The following TIPRL variants were observed in gnomAD, a reference collection of about 807,000 sequenced individuals.
The protein encoded by TIPRL is TOR signaling pathway regulator, also known as TIP41-like protein.
Under a neutral mutation model 32.3 loss-of-function variants are expected in TIPRL, and 10 were observed. The observed-to-expected ratio is 0.31, with a 90% CI of 0.19 to 0.52. TIPRL has a LOEUF of 0.52. Ranked by LOEUF, TIPRL falls within the 20% of genes least tolerant of loss-of-function variation. The probability of loss-of-function intolerance (pLI) is 0.96; values close to 1 mark genes in which losing one functional copy is unlikely to be tolerated. For missense variants in TIPRL, 250 were observed against 328.1 expected, an observed-to-expected ratio of 0.76 and a Z score of 1.84; for synonymous variants, 100 against 114.0, an observed-to-expected ratio of 0.88 and a Z score of 0.78.
chr1:168,185,747 G>A (rs1700018832), intron 3 of TIPRL, among the ~76,000 whole-genome samples: 1 of 143,134 alleles, frequency 7.0e-6, no homozygotes, highest in South Asian at 2.2e-4. Context: ...TCCAGCCTGG[G>A]TGACAGAGTG....
At chr1:168,186,350 G>A (rs1572431530) in intron 3 of TIPRL, among the ~76,000 whole-genome samples, 1 of 151,912 alleles carries the variant, frequency 6.6e-6, no homozygotes, top group Non-Finnish European at 1.5e-5. Flanking sequence ...GTAAAAATTA[G>A]CCAGGCCTGG....
chr1:168,192,627 G>A (rs191085909), intron 4 of TIPRL, among the ~76,000 whole-genome samples: 1 of 152,194 alleles, frequency 6.6e-6, no homozygotes, highest in African/African-American at 2.4e-5. Flanking sequence ...GGCCGGGCGC[G>A]GTGGCCCATG....
chr1:168,197,132 G>A (rs1700167509), intron 5 of TIPRL, among the ~76,000 whole-genome samples: 1 of 152,102 alleles, frequency 6.6e-6, no homozygotes, highest in Non-Finnish European at 1.5e-5. Context: ...TGGCCAACAT[G>A]GTGAAACCCT....
intron 5 of TIPRL, among the ~76,000 whole-genome samples, chr1:168,197,776 C>T (rs1329810899): frequency 6.6e-6 from 1 of 152,184 alleles, no homozygotes; most frequent in Non-Finnish European, 1.5e-5. Context: ...ATCCAATTGC[C>T]TCGGCCTCCC....
Position 168,196,656 on chromosome 1 carries a change from T to C in TIPRL, c.612+14T>C. The C allele has an allele frequency of 1.3e-6, 2 of 1,541,280 alleles. No homozygotes were observed. Among genetic ancestry groups the C allele is most frequent in the Non-Finnish European group, 1.8e-6 (2 of 1,130,484 alleles). On this transcript the variant is annotated intron_variant, in intron 5 of 6. Coordinates refer to ENST00000367833, the MANE Select transcript of TIPRL (RefSeq NM_152902.5). ...CTTTACCATGAGGTATTTATTGTTG[T>C]TTAATGAATATACTAATTGATACTG...
intron 5 of TIPRL, 129 bp downstream of exon 5, chr1:168,196,771 G>A (rs896813076): frequency 1.5e-5 from 8 of 519,952 alleles, no homozygotes; most frequent in Non-Finnish European, 2.5e-5. Context: ...TTAAGTCTGA[G>A]TGTTTCACAT....
intron 5 of TIPRL, among the ~76,000 whole-genome samples, chr1:168,197,269 G>T (rs767113971): frequency 7.0e-6 from 1 of 143,118 alleles, no homozygotes; most frequent in East Asian, 2.0e-4. Flanking sequence ...CAGTGACAGA[G>T]CAAGACCCTG....
chr1:168,184,933 A>C, intron 3 of TIPRL, 55 bp downstream of exon 3: 1 of 1,141,682 alleles, frequency 8.8e-7, no homozygotes, highest in Non-Finnish European at 1.3e-6. Context: ...CAGTCTGAGC[A>C]TTAGAACTTT....
In TIPRL at chr1:168,188,598, A is replaced by G. The variant is rs371871495; in HGVS notation, c.385-2771A>G. On this transcript the variant is annotated intron_variant, in intron 3 of 6. Coordinates refer to ENST00000367833, the MANE Select transcript of TIPRL (RefSeq NM_152902.5). ...CATTATTAGCTTGCAGCCCATAAAA[A>G]TAGGTAACAGGGCAGATGTGAGCTG... Among the ~76,000 whole-genome samples the G allele has an allele frequency of 3.6e-3, 554 of 152,278 alleles. 3 individuals are homozygous for G. Among genetic ancestry groups the G allele is most frequent in the Middle Eastern group, 0.017 (5 of 294 alleles).
Position 168,192,508 on chromosome 1 carries a change from A to G in TIPRL, c.516+1008A>G, listed in dbSNP as rs957506226. The G allele has an allele frequency of 1.5e-5, 10 of 684,650 alleles. No homozygotes were observed. The African/African-American group carries it at 1.9e-4, about 13-fold the overall frequency. The allele number at this position is 684,650 out of a possible 1,614,324, so 42.4% of individuals were successfully genotyped here. A position where few individuals can be genotyped will look rare whatever the true frequency, so the allele number is the denominator to read the frequency against. The stretch of plus-strand genomic sequence containing the variant: ...TTTACTAAATGCCTCATTCTTTAAG[A>G]CCCAAAGACCCAGCTAAAATACCAC... On this transcript the variant is annotated intron_variant, in intron 4 of 6. Coordinates refer to ENST00000367833, the MANE Select transcript of TIPRL (RefSeq NM_152902.5).
intron 5 of TIPRL, among the ~76,000 whole-genome samples, chr1:168,197,604 C>G (rs775066129): frequency 6.6e-6 from 1 of 152,168 alleles, no homozygotes; most frequent in African/African-American, 2.4e-5. Context: ...ACTGCAACCT[C>G]TGCTTCCTGA....
chr1:168,188,511 CATG>C (rs1700055510), intron 3 of TIPRL, among the ~76,000 whole-genome samples: 1 of 152,162 alleles, frequency 6.6e-6, no homozygotes, highest in Non-Finnish European at 1.5e-5. Flanking sequence ...ATTTGAATTT[CATG>C]TAATTTTTAT....
At chr1:168,179,231 G>T in intron 1 of TIPRL, 50 bp downstream of exon 1, 2 of 1,571,744 alleles carry the variant, frequency 1.3e-6, no homozygotes, top group Admixed American at 1.7e-5. Flanking sequence ...GCTGGCCCAG[G>T]GCGGGAGGCA....
intron 3 of TIPRL, among the ~76,000 whole-genome samples, chr1:168,189,158 G>T (rs1700063324): frequency 6.6e-6 from 1 of 152,158 alleles, no homozygotes; most frequent in Admixed American, 6.5e-5. Flanking sequence ...ATGCCTCAGG[G>T]CAAAAGCCAG....
intron 4 of TIPRL, 152 bp from the exon 5 acceptor site, chr1:168,196,395 A>G (rs1277665233): frequency 2.1e-6 from 1 of 478,168 alleles, no homozygotes; most frequent in African/African-American, 2.0e-5. Flanking sequence ...AGCTAGGACA[A>G]AGAGCTTCTA....
chr1:168,184,283 C>G (rs150453636), intron 2 of TIPRL, among the ~76,000 whole-genome samples: 49 of 152,298 alleles, frequency 3.2e-4, no homozygotes, highest in Non-Finnish European at 6.5e-4. Flanking sequence ...TGCTTGAATA[C>G]TTGTTAAAGT....
intron 1 of TIPRL, 92 bp downstream of exon 1, chr1:168,179,273 C>T (rs1233504886): frequency 8.7e-7 from 1 of 1,150,404 alleles, no homozygotes; most frequent in Non-Finnish European, 1.3e-6. Flanking sequence ...TCCCCTTTTC[C>T]CTGAGGCGGA....
In TIPRL at chr1:168,179,261, C is replaced by A. The variant is rs1572427064; in HGVS notation, c.104+80C>A. The A allele has an allele frequency of 8.6e-6, 11 of 1,276,506 alleles. No individual in the cohort carries two copies. In the East Asian group the frequency reaches 2.7e-4, roughly 31 times the overall value. 79.1% of individuals were successfully genotyped at this position (1,276,506 alleles called of 1,614,324 possible). A position where few individuals can be genotyped will look rare whatever the true frequency, so the allele number is the denominator to read the frequency against. On this transcript the variant is annotated intron_variant, in intron 1 of 6. Transcript: ENST00000367833. ...GAGGCAGGGCGAACTCTGTGCAGCC[C>A]CTCCCCTTTTCCCTGAGGCGGAGGT...
intron 5 of TIPRL, among the ~76,000 whole-genome samples, chr1:168,198,313 G>A (rs1700178664): frequency 6.6e-6 from 1 of 151,926 alleles, no homozygotes; most frequent in Non-Finnish European, 1.5e-5. Flanking sequence ...AACCTTAAAG[G>A]CATATAATTT....
Sources: gnomAD v4.1 joint callset for allele counts (sites outside exome capture counted in the v4.1 genomes callset) on GRCh38, gnomAD v4.1.1 for gene constraint, MANE v1.5 for transcripts, NCBI Gene and HGNC (gene_info 2026-07-23, HGNC 2026-07-21) for gene names.